CBLB: variants seen among roughly 807,000 people sequenced by gnomAD.
CBLB encodes E3 ubiquitin-protein ligase CBL-B.
In CBLB, 31 loss-of-function variants were observed where a neutral mutation model predicts 104.9. The ratio of observed to expected loss-of-function variants is 0.30; its 90% CI spans 0.22 to 0.40. CBLB has a LOEUF of 0.40. Ranked by LOEUF, CBLB falls within the 10% of genes least tolerant of loss-of-function variation. CBLB has a pLI of 1.00. For synonymous variants in CBLB, 440 were observed against 422.6 expected, an observed-to-expected ratio of 1.04 and a Z score of -0.51; for missense variants, 1,062 against 1,214.6, an observed-to-expected ratio of 0.87 and a Z score of 1.87.
chr3:105,766,443 T>C (rs1474419757), intron 4 of CBLB, among the ~76,000 whole-genome samples: 1 of 152,194 alleles, frequency 6.6e-6, no homozygotes, highest in East Asian at 1.9e-4. Flanking sequence ...TATAGATAAA[T>C]ATTACATGAA....
intron 14 of CBLB, among the ~76,000 whole-genome samples, chr3:105,684,825 A>AC (rs1301250906): frequency 6.6e-6 from 1 of 152,224 alleles, no homozygotes; most frequent in Non-Finnish European, 1.5e-5. Flanking sequence ...TGCTAGGATT[A>AC]CAGGCGTGAG....
chr3:105,737,299 T>C lies in CBLB; in HGVS notation c.984-41A>G, dbSNP rs776084528. The C allele has an allele frequency of 5.0e-6, 5 of 995,262 alleles. No individual in the cohort carries two copies. In the East Asian group the frequency reaches 9.7e-5, roughly 19 times the overall value. 61.7% of individuals were successfully genotyped at this position (995,262 alleles called of 1,614,324 possible). A position where few individuals can be genotyped will look rare whatever the true frequency, so the allele number is the denominator to read the frequency against. On this transcript the variant is annotated intron_variant, in intron 7 of 18. Transcript: ENST00000394030. The stretch of plus-strand genomic sequence containing the variant: ...AACTTTATTACCTTAAATATACAAG[T>C]TTTAATTGCATTTAAGGATATTTAA...
At chr3:105,670,660 C>A (rs774178405) in intron 17 of CBLB, 62 of 345,290 alleles carry the variant, frequency 1.8e-4, no homozygotes, top group Admixed American at 5.4e-4. Flanking sequence ...ATTTTCTGTC[C>A]CAATCCAACC....
At chr3:105,700,873 T>C (rs138619270) in intron 12 of CBLB, among the ~76,000 whole-genome samples, 4 of 152,312 alleles carry the variant, frequency 2.6e-5, no homozygotes, top group Non-Finnish European at 4.4e-5. Flanking sequence ...AGGAGCTGAG[T>C]GCAAGTCACG....
chr3:105,867,336 A>G (rs2092482658), intron 2 of CBLB, 74 bp downstream of exon 2: 4 of 1,258,602 alleles, frequency 3.2e-6, no homozygotes, highest in Non-Finnish European at 4.7e-6. Context: ...ATTAATTAAC[A>G]GTATAAATAA....
At chr3:105,804,979 T>C (rs960526602) in intron 3 of CBLB, among the ~76,000 whole-genome samples, 4 of 152,180 alleles carry the variant, frequency 2.6e-5, no homozygotes, top group African/African-American at 9.7e-5. Context: ...CACTGCATGG[T>C]AACTTCCATA....
At chr3:105,854,589 T>C (rs1400390902) in intron 2 of CBLB, among the ~76,000 whole-genome samples, 1 of 141,460 alleles carries the variant, frequency 7.1e-6, no homozygotes, top group Non-Finnish European at 1.5e-5. Flanking sequence ...AAGGCCCTCG[T>C]TGTATTTTTT....
In CBLB at chr3:105,693,539, C is replaced by T. The variant is rs114046756; in HGVS notation, c.2009G>A (p.Arg670Gln). The change falls in exon 13 of 19, where the codon CGG (arginine) becomes CAG (glutamine). Residue 670 changes from arginine to glutamine, a missense_variant. By Grantham distance (43) the Arg-to-Gln change is conservative (BLOSUM62 1). This residue lies in a region of CBLB where 605 missense variants were observed against 582.6 expected (regional missense o/e 1.04). Coordinates refer to ENST00000394030, the MANE Select transcript of CBLB (RefSeq NM_170662.5). ...LGSEEYDVPP[R>Q]LSPPPPVTTL... ...GGTAACTGGAGGAGGAGGAGAAAGC[C>T]GGGGAGGAACATCATATTCTTCACT... The T allele has an allele frequency of 7.5e-4, 1,202 of 1,612,502 alleles. 5 individuals carry two copies. In the African/African-American group the frequency reaches 0.015, roughly 20 times the overall value.
intron 3 of CBLB, among the ~76,000 whole-genome samples, chr3:105,786,063 G>GGGT (rs1553794664): frequency 6.7e-5 from 9 of 133,944 alleles, no homozygotes; most frequent in East Asian, 2.6e-4. Flanking sequence ...GAGAGGATCG[G>GGGT]GGGGGGGAAA....
chr3:105,677,139 G>C (rs2065741989), intron 17 of CBLB, among the ~76,000 whole-genome samples: 2 of 152,096 alleles, frequency 1.3e-5, no homozygotes, highest in Admixed American at 1.3e-4. Flanking sequence ...GCAGAATCCA[G>C]TAAACTCATA....
chr3:105,820,086 T>C (rs1240797276), intron 3 of CBLB, among the ~76,000 whole-genome samples: 1 of 152,024 alleles, frequency 6.6e-6, no homozygotes, highest in Admixed American at 6.6e-5. Context: ...AACTAGATGG[T>C]CCCATCTGGG....
chr3:105,811,493 C>G (rs1464206561), intron 3 of CBLB, among the ~76,000 whole-genome samples: 1 of 152,184 alleles, frequency 6.6e-6, no homozygotes, highest in African/African-American at 2.4e-5. Context: ...CATACACTCT[C>G]AAATCAATGC....
At chr3:105,679,335 T>TAAAAAAA (rs1559790254) in intron 16 of CBLB, among the ~76,000 whole-genome samples, 8 of 75,158 alleles carry the variant, frequency 1.1e-4, no homozygotes, top group Non-Finnish European at 1.5e-4. Flanking sequence ...CCTTGAGTCT[T>TAAAAAAA]TAAAAAAAAA....
At chr3:105,846,606 GAAAAAA>G (rs2090286957) in intron 3 of CBLB, among the ~76,000 whole-genome samples, 1 of 152,028 alleles carries the variant, frequency 6.6e-6, no homozygotes, top group Non-Finnish European at 1.5e-5. Flanking sequence ...TTTAATAACT[GAAAAAA>G]TGTAAATTGG....
chr3:105,696,416 C>T (rs1425709922), intron 12 of CBLB, among the ~76,000 whole-genome samples: 2 of 151,788 alleles, frequency 1.3e-5, no homozygotes. Flanking sequence ...GCTGCCACTA[C>T]CTGAGTGAGT....
chr3:105,842,993 C>G (rs926751588), intron 3 of CBLB, among the ~76,000 whole-genome samples: 1 of 152,134 alleles, frequency 6.6e-6, no homozygotes, highest in Non-Finnish European at 1.5e-5. Context: ...GGCGAAGGAC[C>G]ACCCAATGGT....
intron 4 of CBLB, among the ~76,000 whole-genome samples, chr3:105,753,766 AT>A (rs1251555950): frequency 6.6e-6 from 1 of 152,208 alleles, no homozygotes; most frequent in Non-Finnish European, 1.5e-5. Context: ...TACTATAAAA[AT>A]TATTCTAATC....
At chr3:105,869,239 G>T, upstream of CBLB, 1 of 670,532 alleles carries the variant, frequency 1.5e-6, no homozygotes, top group Non-Finnish European at 2.5e-6. Context: ...GAAAGGAATT[G>T]GACTCGGAGA....
intron 3 of CBLB, among the ~76,000 whole-genome samples, chr3:105,797,011 C>T (rs4894838): frequency 0.98 from 148,635 of 152,316 alleles, 72,634 homozygotes; most frequent in East Asian, 1. Context: ...AGTTCAGCCA[C>T]TGTGAAAGCA....
Sources: gnomAD v4.1 joint callset for allele counts (sites outside exome capture counted in the v4.1 genomes callset) on GRCh38, gnomAD v4.1.1 for gene constraint, gnomAD v4.1.1 regional missense constraint, MANE v1.5 for transcripts, NCBI Gene and HGNC (gene_info 2026-07-23, HGNC 2026-07-21) for gene names.